The following SSH2 variants were observed in gnomAD, a reference collection of about 807,000 sequenced individuals.
The protein encoded by SSH2 is slingshot protein phosphatase 2.
In SSH2, 37 loss-of-function variants were observed where a neutral mutation model predicts 135.2. That is an observed-to-expected ratio of 0.27 (90% CI 0.21 to 0.36). SSH2 has a LOEUF of 0.36. Ranked by LOEUF, SSH2 falls within the 10% of genes least tolerant of loss-of-function variation. The probability of loss-of-function intolerance (pLI) is 1.00; values close to 1 mark genes in which losing one functional copy is unlikely to be tolerated. For missense variants in SSH2, 1,408 were observed against 1,765.3 expected (o/e 0.80, Z 3.63); for synonymous variants, 628 against 646.2 (o/e 0.97, Z 0.43).
chr17:29,817,939 A>ATTG (rs1567993175), intron 2 of SSH2, among the ~76,000 whole-genome samples: 2 of 151,450 alleles, frequency 1.3e-5, no homozygotes, highest in African/African-American at 4.9e-5. Flanking sequence ...TATTATTATT[A>ATTG]TTATTATTTT....
chr17:29,852,360 T>G (rs2065578740), intron 1 of SSH2, among the ~76,000 whole-genome samples: 3 of 151,882 alleles, frequency 2.0e-5, no homozygotes, highest in Admixed American at 2.0e-4. Flanking sequence ...TATATATATA[T>G]TCATCAATTG....
chr17:29,913,363 TATA>T (rs2066819716), intron 1 of SSH2, among the ~76,000 whole-genome samples: 7 of 74,206 alleles, frequency 9.4e-5, no homozygotes, highest in Non-Finnish European at 1.8e-4. Flanking sequence ...TATATATATA[TATA>T]TATATATATA....
intron 2 of SSH2, among the ~76,000 whole-genome samples, chr17:29,809,408 T>C (rs1013408614): frequency 9.9e-5 from 15 of 152,224 alleles, no homozygotes; most frequent in African/African-American, 2.9e-4. Flanking sequence ...GTTTCAGATA[T>C]AGGTACACTT....
intron 2 of SSH2, among the ~76,000 whole-genome samples, chr17:29,810,797 C>G (rs927942872): frequency 5.9e-5 from 9 of 152,154 alleles, no homozygotes; most frequent in African/African-American, 1.9e-4. Context: ...CTTAGTCTTC[C>G]AAATGACTTT....
intron 3 of SSH2, among the ~76,000 whole-genome samples, chr17:29,748,141 C>T (rs1472390347): frequency 6.6e-6 from 1 of 152,192 alleles, no homozygotes; most frequent in Non-Finnish European, 1.5e-5. Flanking sequence ...GTTAACTTGG[C>T]TAAGCATGAT....
chr17:29,777,237 T>G (rs1332785116), intron 3 of SSH2, among the ~76,000 whole-genome samples: 1 of 152,040 alleles, frequency 6.6e-6, no homozygotes, highest in African/African-American at 2.4e-5. Flanking sequence ...AAAAAAAAAT[T>G]TTAAATTCAT....
intron 3 of SSH2, among the ~76,000 whole-genome samples, chr17:29,770,648 T>A (rs561806492): frequency 2.6e-5 from 4 of 152,116 alleles, no homozygotes; most frequent in African/African-American, 9.6e-5. Context: ...AATTTTTGTA[T>A]TTTTAGTAGA....
In SSH2 at chr17:29,672,031, C is replaced by G; in HGVS notation, c.713G>C (p.Ser238Thr). The G allele has an allele frequency of 6.2e-7, 1 of 1,613,964 alleles. No homozygotes were observed. Among genetic ancestry groups the G allele is most frequent in the South Asian group, 1.1e-5 (1 of 91,068 alleles). The change falls in exon 9 of 16, where the codon AGC becomes ACC. Residue 238 changes from serine (S) to threonine (T), a missense_variant. Around this residue, in one of 3 missense-constraint regions of SSH2, gnomAD observed 222 missense variants for 355.6 expected, o/e 0.62. Coordinates refer to ENST00000540801, the MANE Select transcript of SSH2 (RefSeq NM_001282129.2). ...TGAGGATTGATCTGAGTTGATATGGCTCTCATAATAACTCACCCAAGTGAG... is the reference window on the plus strand; with the variant it reads ...TGAGGATTGATCTGAGTTGATATGGGTCTCATAATAACTCACCCAAGTGAG... ...LFLTWVSYYE[S>T]HINSDQSSVN...
intron 11 of SSH2, 122 bp downstream of exon 11, chr17:29,666,745 C>A: frequency 2.2e-6 from 2 of 902,896 alleles, no homozygotes; most frequent in Non-Finnish European, 3.3e-6. Context: ...GAGTACTTAT[C>A]ACTTTTGTCT....
chr17:29,871,872 G>A (rs1164197868), intron 1 of SSH2, among the ~76,000 whole-genome samples: 1 of 151,866 alleles, frequency 6.6e-6, no homozygotes, highest in Non-Finnish European at 1.5e-5. Flanking sequence ...GAAATAGAGA[G>A]GTGTATAAAT....
chr17:29,673,865 G>A (rs2037597740), intron 8 of SSH2: 1 of 306,902 alleles, frequency 3.3e-6, no homozygotes, highest in Non-Finnish European at 6.5e-6. Flanking sequence ...CATTTTTAAT[G>A]GTTGCATAAT....
At chr17:29,791,917 C>CT (rs36064413) in intron 3 of SSH2, among the ~76,000 whole-genome samples, 5,994 of 128,308 alleles carry the variant, frequency 0.047, 184 homozygotes, top group Non-Finnish European at 0.067. Flanking sequence ...TCTTCTTCCT[C>CT]TTTTTTTTTT....
intron 2 of SSH2, among the ~76,000 whole-genome samples, chr17:29,815,157 G>A (rs1249421145): frequency 5.5e-5 from 7 of 128,350 alleles, no homozygotes; most frequent in African/African-American, 1.5e-4. Flanking sequence ...ACAGAGTCTC[G>A]CTCTGCCCCC....
chr17:29,787,503 G>A (rs1018130429), intron 3 of SSH2: 5 of 152,084 alleles, frequency 3.3e-5, no homozygotes, highest in Non-Finnish European at 7.4e-5. Flanking sequence ...GTCCAGAAGT[G>A]GAATTGCTGG....
intron 1 of SSH2, among the ~76,000 whole-genome samples, chr17:29,918,078 G>C (rs939493223): frequency 1.3e-5 from 2 of 152,086 alleles, no homozygotes; most frequent in Admixed American, 1.3e-4. Flanking sequence ...CAGGTACATA[G>C]GAGGCTGAGG....
At chr17:29,850,310 C>T (rs144203881) in intron 1 of SSH2, among the ~76,000 whole-genome samples, 1 of 152,290 alleles carries the variant, frequency 6.6e-6, no homozygotes, top group Non-Finnish European at 1.5e-5. Context: ...CTAACAGCAG[C>T]TGGAAACTGA....
At chr17:29,762,701 A>C (rs572165086) in intron 3 of SSH2, among the ~76,000 whole-genome samples, 1 of 152,316 alleles carries the variant, frequency 6.6e-6, no homozygotes, top group South Asian at 2.1e-4. Context: ...AGCTCTTTGT[A>C]AAATATGACT....
intron 2 of SSH2, among the ~76,000 whole-genome samples, chr17:29,805,151 ATATTAT>A (rs747704439): frequency 6.7e-6 from 1 of 148,818 alleles, no homozygotes; most frequent in African/African-American, 2.5e-5. Context: ...ATTATTATTA[ATATTAT>A]TATTATTATT....
intron 3 of SSH2, among the ~76,000 whole-genome samples, chr17:29,753,103 A>G (rs569655981): frequency 1.6e-4 from 25 of 152,236 alleles, no homozygotes; most frequent in Non-Finnish European, 2.9e-5. Context: ...TGTCCCTTAG[A>G]TAGTAAATGT....
Sources: gnomAD v4.1 joint callset for allele counts (sites outside exome capture counted in the v4.1 genomes callset) on GRCh38, gnomAD v4.1.1 for gene constraint, gnomAD v4.1.1 regional missense constraint, MANE v1.5 for transcripts, NCBI Gene and HGNC (gene_info 2026-07-23, HGNC 2026-07-21) for gene names.